Variants in PPFIA2 observed in about 807,000 individuals in gnomAD.
The protein encoded by PPFIA2 is PPFI scaffold protein A2, also known as liprin-alpha-2.
A neutral mutation model predicts 175.5 loss-of-function variants in PPFIA2; 46 were observed. The ratio of observed to expected loss-of-function variants is 0.26; its 90% CI spans 0.21 to 0.34. The LOEUF is 0.34. PPFIA2 is among the 10% of genes least tolerant of loss of function. The pLI, the probability that PPFIA2 is intolerant of heterozygous loss-of-function variation, is 1.00. For missense variants in PPFIA2, 1,179 were observed against 1,506.1 expected, an observed-to-expected ratio of 0.78 and a Z score of 3.60; for synonymous variants, 568 against 511.4, an observed-to-expected ratio of 1.11 and a Z score of -1.49.
intron 3 of PPFIA2, among the ~76,000 whole-genome samples, chr12:81,721,868 C>T (rs938228271): frequency 6.6e-6 from 1 of 150,952 alleles, no homozygotes; most frequent in Admixed American, 6.6e-5. Flanking sequence ...GTAATAATAA[C>T]ATCAACCTCA....
At chr12:81,717,348 A>C (rs1301506302) in intron 3 of PPFIA2, among the ~76,000 whole-genome samples, 2 of 151,688 alleles carry the variant, frequency 1.3e-5, no homozygotes, top group Admixed American at 6.6e-5. Context: ...GGTGATGTCC[A>C]GATTTGGCCC....
At chr12:81,375,652 C>T (rs753201243) in intron 10 of PPFIA2, 144 bp downstream of exon 10, 15 of 798,064 alleles carry the variant, frequency 1.9e-5, no homozygotes, top group South Asian at 6.9e-5. Flanking sequence ...CACTGAAAAT[C>T]GTATTTGTTT....
At chr12:81,368,136 T>C in intron 13 of PPFIA2, 1 of 1,288,262 alleles carries the variant, frequency 7.8e-7, no homozygotes, top group South Asian at 1.2e-5. Flanking sequence ...TAACCAGCTC[T>C]CATAACTCTT....
intron 4 of PPFIA2, among the ~76,000 whole-genome samples, chr12:81,458,140 TATG>T (rs1295290765): frequency 6.6e-6 from 1 of 152,168 alleles, no homozygotes. Context: ...CTAACGTTAA[TATG>T]ATAACTTATT....
intron 3 of PPFIA2, among the ~76,000 whole-genome samples, chr12:81,734,284 G>C (rs1484013867): frequency 6.6e-6 from 1 of 151,718 alleles, no homozygotes; most frequent in African/African-American, 2.4e-5. Flanking sequence ...GGGAAGATAT[G>C]CACATATAAG....
chr12:81,289,171 C>A (rs556863597), intron 24 of PPFIA2, among the ~76,000 whole-genome samples: 20 of 151,906 alleles, frequency 1.3e-4, no homozygotes, highest in Admixed American at 1.3e-3. Flanking sequence ...GCGCTTAGAA[C>A]AGTCCCTGAC....
intron 8 of PPFIA2, among the ~76,000 whole-genome samples, chr12:81,400,146 CT>C (rs2041873337): frequency 6.6e-6 from 1 of 152,112 alleles, no homozygotes; most frequent in Non-Finnish European, 1.5e-5. Context: ...ATAAGCCAAA[CT>C]TTTAACTGGA....
chr12:81,524,132 G>C (rs1037841656), intron 4 of PPFIA2, among the ~76,000 whole-genome samples: 1 of 152,198 alleles, frequency 6.6e-6, no homozygotes, highest in Non-Finnish European at 1.5e-5. Flanking sequence ...CCCAGGAAGA[G>C]AACTGCCATG....
chr12:81,451,809 C>CAT (rs2052638296), intron 5 of PPFIA2, among the ~76,000 whole-genome samples: 2 of 151,976 alleles, frequency 1.3e-5, no homozygotes, highest in South Asian at 2.1e-4. Context: ...TCTCATCTGG[C>CAT]ATATATATAT....
rs377393832 is a variant in PPFIA2, at chr12:81,512,145, G to A, written c.304-54279C>T. The A allele has an allele frequency of 4.6e-4, 145 of 313,758 alleles. 1 individual carries two copies. The highest frequency in any genetic ancestry group is 2.9e-3 in the African/African-American group (128 of 44,506). The allele number at this position is 313,758 out of a possible 1,614,324, so 19.4% of individuals were successfully genotyped here. A position where few individuals can be genotyped will look rare whatever the true frequency, so the allele number is the denominator to read the frequency against. ...TTTTAAGTTTTTTTCTGTAGTGTCC[G>A]TCAATGTCAGCATGTTAGCTAACAA... On this transcript the variant is annotated intron_variant, in intron 4 of 32. Transcript: ENST00000549396.
At chr12:81,461,768 TC>T (rs1566929782) in intron 4 of PPFIA2, among the ~76,000 whole-genome samples, 2 of 152,098 alleles carry the variant, frequency 1.3e-5, no homozygotes, top group African/African-American at 2.4e-5. Context: ...TTTTCTTGTT[TC>T]TTTCACAAAC....
At chr12:81,533,167 G>T (rs1161379520) in intron 4 of PPFIA2, among the ~76,000 whole-genome samples, 1 of 151,598 alleles carries the variant, frequency 6.6e-6, no homozygotes, top group African/African-American at 2.4e-5. Flanking sequence ...AACCATGATG[G>T]AAAGGGCATT....
chr12:81,311,166 T>A (rs1029594170), intron 22 of PPFIA2, among the ~76,000 whole-genome samples: 1 of 152,208 alleles, frequency 6.6e-6, no homozygotes, highest in African/African-American at 2.4e-5. Context: ...CTGTTAGGAA[T>A]AGATAAATAC....
chr12:81,291,767 G>A (rs1431555454), intron 24 of PPFIA2, among the ~76,000 whole-genome samples: 1 of 152,136 alleles, frequency 6.6e-6, no homozygotes, highest in Non-Finnish European at 1.5e-5. Flanking sequence ...ATATGTAAAG[G>A]AATCGATAAA....
intron 4 of PPFIA2, among the ~76,000 whole-genome samples, chr12:81,533,692 A>AATCTATCTATCTATCT (rs5799538): frequency 2.1e-5 from 3 of 144,326 alleles, no homozygotes; most frequent in East Asian, 2.1e-4. Context: ...TAAATTCACA[A>AATCTATCTATCTATCT]ATCTATCTAT....
intron 27 of PPFIA2, among the ~76,000 whole-genome samples, chr12:81,278,172 T>C (rs560238653): frequency 3.9e-5 from 6 of 152,302 alleles, no homozygotes; most frequent in African/African-American, 1.2e-4. Context: ...AAGCCTTAAA[T>C]TGTGTTTAAG....
intron 3 of PPFIA2, among the ~76,000 whole-genome samples, chr12:81,705,339 C>A (rs2076993670): frequency 1.3e-5 from 2 of 150,244 alleles, no homozygotes; most frequent in African/African-American, 4.9e-5. Flanking sequence ...GCCTGTAATC[C>A]CAGCTACAGA....
At chr12:81,267,198 CTTT>C (rs71309549) in intron 29 of PPFIA2, 178 bp from the exon 30 acceptor site, 384 of 483,116 alleles carry the variant, frequency 7.9e-4, no homozygotes, top group East Asian at 1.5e-3. Flanking sequence ...AAAAACAGGG[CTTT>C]TTTTTTTTTT....
At chr12:81,555,391 T>C (rs2068669021) in intron 4 of PPFIA2, among the ~76,000 whole-genome samples, 1 of 151,998 alleles carries the variant, frequency 6.6e-6, no homozygotes, top group African/African-American at 2.4e-5. Context: ...GTATAAAACG[T>C]CTTCACTGAT....
Sources: gnomAD v4.1 joint callset for allele counts (sites outside exome capture counted in the v4.1 genomes callset) on GRCh38, gnomAD v4.1.1 for gene constraint, MANE v1.5 for transcripts, NCBI Gene and HGNC (gene_info 2026-07-23, HGNC 2026-07-21) for gene names.